The following MAGI2 variants were observed in gnomAD, a reference collection of about 807,000 sequenced individuals.
MAGI2 encodes membrane associated guanylate kinase, WW and PDZ domain containing 2.
MAGI2 carries 35 observed loss-of-function variants against 133.3 expected under a neutral mutation model. That is an observed-to-expected ratio of 0.26 (90% CI 0.20 to 0.35). The LOEUF is 0.35. MAGI2 is among the 10% of genes least tolerant of loss of function. The pLI, the probability that MAGI2 is intolerant of heterozygous loss-of-function variation, is 1.00. For missense variants in MAGI2, 1,636 were observed against 1,863.4 expected (o/e 0.88, Z 2.25); for synonymous variants, 729 against 710.6 (o/e 1.03, Z -0.41).
intron 13 of MAGI2, among the ~76,000 whole-genome samples, chr7:78,182,439 A>G (rs1484268648): frequency 6.6e-6 from 1 of 152,166 alleles, no homozygotes; most frequent in Non-Finnish European, 1.5e-5. Flanking sequence ...CGTGTTAGCC[A>G]TAGTAGAAGC....
intron 6 of MAGI2, among the ~76,000 whole-genome samples, chr7:78,441,821 G>C (rs544979227): frequency 6.6e-6 from 1 of 152,122 alleles, no homozygotes; most frequent in South Asian, 2.1e-4. Flanking sequence ...TAACATTTCC[G>C]GTTAGATATA....
chr7:78,804,759 A>AAAAAACAAAAAAC (rs1563526036), intron 2 of MAGI2, among the ~76,000 whole-genome samples: 1 of 139,404 alleles, frequency 7.2e-6, no homozygotes, highest in African/African-American at 3.0e-5. Context: ...AAAAAAAAAA[A>AAAAAACAAAAAAC]AAAAAAAAAA....
chr7:78,210,798 A>G (rs888352953), intron 10 of MAGI2, among the ~76,000 whole-genome samples: 5 of 152,234 alleles, frequency 3.3e-5, no homozygotes, highest in Non-Finnish European at 7.3e-5. Flanking sequence ...GTAGATGTAA[A>G]TATTCATAAT....
chr7:78,508,221 A>G (rs1177890649), intron 4 of MAGI2, among the ~76,000 whole-genome samples: 1 of 151,890 alleles, frequency 6.6e-6, no homozygotes, highest in African/African-American at 2.4e-5. Context: ...ATATTTCCCA[A>G]TAAAGTCACC....
chr7:78,473,555 A>C (rs1791440581), intron 6 of MAGI2, among the ~76,000 whole-genome samples: 1 of 152,054 alleles, frequency 6.6e-6, no homozygotes, highest in Admixed American at 6.6e-5. Flanking sequence ...CTCTGGTATG[A>C]CGTACTTCTT....
At chr7:79,139,613 G>A (rs1821929065) in intron 1 of MAGI2, among the ~76,000 whole-genome samples, 1 of 152,128 alleles carries the variant, frequency 6.6e-6, no homozygotes, top group African/African-American at 2.4e-5. Flanking sequence ...ATTACCCGTA[G>A]CTAAGGAAGG....
intron 21 of MAGI2, among the ~76,000 whole-genome samples, chr7:78,024,064 C>A (rs1808678185): frequency 6.6e-6 from 1 of 152,120 alleles, no homozygotes; most frequent in Non-Finnish European, 1.5e-5. Flanking sequence ...GGAACCAATC[C>A]CCCAGAAACT....
At chr7:79,267,646 C>A (rs912855292) in intron 1 of MAGI2, among the ~76,000 whole-genome samples, 3 of 151,982 alleles carry the variant, frequency 2.0e-5, no homozygotes, top group Admixed American at 6.6e-5. Flanking sequence ...GGTGTAGGGG[C>A]AAAGAGAATT....
chr7:79,023,731 C>T (rs2191729), intron 1 of MAGI2, among the ~76,000 whole-genome samples: 89,343 of 151,964 alleles, frequency 0.59, 26,583 homozygotes, highest in East Asian at 0.63. Context: ...CAATTCCATT[C>T]ACAATAGCAA....
intron 10 of MAGI2, among the ~76,000 whole-genome samples, chr7:78,209,652 C>T (rs1416726585): frequency 6.6e-6 from 1 of 151,314 alleles, no homozygotes; most frequent in African/African-American, 2.5e-5. Flanking sequence ...AAATCTCCTT[C>T]TATTTACCTC....
intron 2 of MAGI2, among the ~76,000 whole-genome samples, chr7:78,713,936 T>C (rs905762805): frequency 5.3e-5 from 8 of 152,102 alleles, no homozygotes; most frequent in African/African-American, 1.9e-4. Flanking sequence ...ACTCTCCTTG[T>C]GCTTCCTCGT....
intron 6 of MAGI2, among the ~76,000 whole-genome samples, chr7:78,410,391 G>C (rs1797764696): frequency 6.6e-6 from 1 of 151,994 alleles, no homozygotes; most frequent in Non-Finnish European, 1.5e-5. Flanking sequence ...GCTTACATTT[G>C]TCAACATGTC....
At chr7:78,061,576 A>G (rs186062897) in intron 21 of MAGI2, among the ~76,000 whole-genome samples, 1 of 152,286 alleles carries the variant, frequency 6.6e-6, no homozygotes, top group East Asian at 1.9e-4. Context: ...TACAATTTTC[A>G]ATGCATAAAT....
chr7:79,086,371 G>A (rs972719842), intron 1 of MAGI2, among the ~76,000 whole-genome samples: 4 of 151,836 alleles, frequency 2.6e-5, no homozygotes, highest in African/African-American at 7.3e-5. Flanking sequence ...CATTTTCACA[G>A]TTACTATAGT....
At chr7:78,079,231 C>T in intron 20 of MAGI2, 146 bp from the exon 21 acceptor site, 2 of 743,040 alleles carry the variant, frequency 2.7e-6, no homozygotes, top group Non-Finnish European at 4.6e-6. Flanking sequence ...AGAGGCTATT[C>T]CCTGGCTGCA....
At chr7:78,648,577 A>G (rs1811157953) in intron 2 of MAGI2, among the ~76,000 whole-genome samples, 1 of 152,196 alleles carries the variant, frequency 6.6e-6, no homozygotes, top group African/African-American at 2.4e-5. Context: ...CATTAGAAAC[A>G]TCTGGGAAGA....
At chr7:78,639,279 G>A (rs1810015631) in intron 2 of MAGI2, among the ~76,000 whole-genome samples, 2 of 152,142 alleles carry the variant, frequency 1.3e-5, no homozygotes, top group African/African-American at 4.8e-5. Context: ...ACTATCCAGG[G>A]ATTTCAATTA....
intron 12 of MAGI2, among the ~76,000 whole-genome samples, chr7:78,186,650 G>A (rs1429474558): frequency 6.6e-6 from 1 of 152,108 alleles, no homozygotes; most frequent in Non-Finnish European, 1.5e-5. Flanking sequence ...TCCACAGATG[G>A]TTAAGACCCA....
chr7:79,202,013 T>C (rs1261382918), intron 1 of MAGI2, among the ~76,000 whole-genome samples: 1 of 152,022 alleles, frequency 6.6e-6, no homozygotes, highest in Non-Finnish European at 1.5e-5. Context: ...TTGAATTTGC[T>C]TTTGGTGATA....
Sources: gnomAD v4.1 joint callset for allele counts (sites outside exome capture counted in the v4.1 genomes callset) on GRCh38, gnomAD v4.1.1 for gene constraint, MANE v1.5 for transcripts, NCBI Gene and HGNC (gene_info 2026-07-23, HGNC 2026-07-21) for gene names.